The following BICRAL variants were observed in gnomAD, a reference collection of about 807,000 sequenced individuals.
The protein encoded by BICRAL is BICRA like chromatin remodeling complex associated protein, also known as BRD4-interacting chromatin-remodeling complex-associated protein-like.
A neutral mutation model predicts 91.8 loss-of-function variants in BICRAL; 8 were observed. That is an observed-to-expected ratio of 0.09 (90% CI 0.05 to 0.16). The LOEUF (loss-of-function observed/expected upper bound fraction) is 0.16, where lower values mean the gene tolerates loss of function less well. BICRAL is among the 10% of genes least tolerant of loss of function. BICRAL has a pLI of 1.00. For missense variants in BICRAL, 1,038 were observed against 1,310.9 expected (o/e 0.79, Z 3.21); for synonymous variants, 445 against 491.1 (o/e 0.91, Z 1.24).
intron 9 of BICRAL, 61 bp from the exon 10 acceptor site, chr6:42,857,030 A>G (rs1765382217): frequency 2.2e-6 from 3 of 1,375,728 alleles, no homozygotes; most frequent in Middle Eastern, 3.7e-4. Flanking sequence ...GCAAATAAAT[A>G]TGACTAGATT....
intron 2 of BICRAL, among the ~76,000 whole-genome samples, chr6:42,817,813 T>G (rs1312525438): frequency 2.0e-5 from 3 of 152,004 alleles, no homozygotes; most frequent in Non-Finnish European, 4.4e-5. Context: ...CTGGATATTC[T>G]TATACACATA....
Position 42,828,769 on chromosome 6 carries a change from T to A in BICRAL, c.436T>A (p.Ser146Thr), listed in dbSNP as rs1764379556. The change falls in exon 6 of 13, where the codon TCA (serine) becomes ACA (threonine). Residue 146 changes from serine to threonine, a missense_variant. Around this residue, in one of 5 missense-constraint regions of BICRAL, gnomAD observed 532 missense variants for 724.9 expected, o/e 0.73. Coordinates refer to ENST00000314073, the MANE Select transcript of BICRAL (RefSeq NM_001393499.1). ...ACAAGCTCAGCTTCATCCTTCTTCATCAGCATCCTTTACTCAGGCTTCTAA... is the reference window on the plus strand; with the variant it reads ...ACAAGCTCAGCTTCATCCTTCTTCAACAGCATCCTTTACTCAGGCTTCTAA... ...FAQAQLHPSS[S>T]ASFTQASNVS... The A allele has an allele frequency of 1.9e-6, 3 of 1,614,124 alleles. No individual in the cohort carries two copies. The highest frequency in any genetic ancestry group is 1.7e-6 in the Non-Finnish European group (2 of 1,180,042).
chr6:42,752,367 G>A (rs768229398), intron 1 of BICRAL, among the ~76,000 whole-genome samples: 2 of 152,230 alleles, frequency 1.3e-5, no homozygotes, highest in Non-Finnish European at 2.9e-5. Flanking sequence ...CCCTAAGACT[G>A]CCAAGGTGGA....
chr6:42,781,943 G>C (rs1183261751), upstream of BICRAL: 2 of 146,818 alleles, frequency 1.4e-5, no homozygotes, highest in African/African-American at 4.9e-5. Flanking sequence ...CCCGGCGCGG[G>C]GGTGAGCGAG....
intron 1 of BICRAL, among the ~76,000 whole-genome samples, chr6:42,776,332 C>T (rs1929926): frequency 0.28 from 42,001 of 149,392 alleles, 6,215 homozygotes; most frequent in South Asian, 0.44. Context: ...CCACTGAGCC[C>T]GGCCCTTATT....
intron 6 of BICRAL, among the ~76,000 whole-genome samples, chr6:42,832,645 A>T (rs1184314322): frequency 6.6e-6 from 1 of 151,204 alleles, no homozygotes; most frequent in African/African-American, 2.4e-5. Flanking sequence ...AGTTAAAGTT[A>T]CAAGATTACT....
chr6:42,859,370 C>T (rs1202094335), intron 10 of BICRAL, among the ~76,000 whole-genome samples: 1 of 149,880 alleles, frequency 6.7e-6, no homozygotes, highest in Non-Finnish European at 1.5e-5. Context: ...CCAGCCTGAG[C>T]GACAGAGCAA....
intron 11 of BICRAL, 66 bp from the exon 12 acceptor site, chr6:42,862,444 A>AT: frequency 9.8e-7 from 1 of 1,020,082 alleles, no homozygotes; most frequent in Non-Finnish European, 1.5e-6. Context: ...TGTGTAAATT[A>AT]TTTTTTCCAA....
chr6:42,790,631 G>A (rs1438354180), intron 1 of BICRAL, among the ~76,000 whole-genome samples: 1 of 150,800 alleles, frequency 6.6e-6, no homozygotes, highest in East Asian at 1.9e-4. Context: ...TAACCGTAAA[G>A]TGAGATTAGA....
At chr6:42,794,572 A>T (rs947490686) in intron 1 of BICRAL, among the ~76,000 whole-genome samples, 7 of 151,986 alleles carry the variant, frequency 4.6e-5, no homozygotes, top group African/African-American at 1.7e-4. Context: ...TATATATTTT[A>T]TAAGTACTAA....
rs1050819353 is a variant in BICRAL at position 42,867,962 on chromosome 6, GTGA to G, written c.*2517_*2519del. The G allele has an allele frequency of 1.3e-5, 2 of 152,570 alleles. No individual in the cohort carries two copies. Among genetic ancestry groups the G allele is most frequent in the African/African-American group, 4.8e-5 (2 of 41,444 alleles). 9.5% of individuals were successfully genotyped at this position (152,570 alleles called of 1,614,324 possible). On this transcript the variant is annotated 3_prime_UTR_variant, in exon 13 of 13. Transcript: ENST00000314073. ...TAACTCGCATGTCGAGCCCCCTCTA[GTGA>G]AGGGTAGGAGAGCTCAGCCTCGGAT...
At chr6:42,770,751 C>A (rs1395646021) in intron 1 of BICRAL, among the ~76,000 whole-genome samples, 1 of 151,670 alleles carries the variant, frequency 6.6e-6, no homozygotes, top group Non-Finnish European at 1.5e-5. Context: ...AGTGCAGTGG[C>A]GCAATTTCCA....
Position 42,770,397 on chromosome 6 carries a change from TTTATTATTA to T in BICRAL, c.-260-11433_-260-11425del, listed in dbSNP as rs1167469084. Among the ~76,000 whole-genome samples, 968 of 134,690 alleles carry T rather than the reference TTTATTATTA, an allele frequency of 7.2e-3. 12 individuals carry two copies. Among genetic ancestry groups the T allele is most frequent in the African/African-American group, 0.026 (906 of 34,698 alleles). 88.4% of individuals were successfully genotyped at this position (134,690 alleles called of 152,430 possible). A position where few individuals can be genotyped will look rare whatever the true frequency, so the allele number is the denominator to read the frequency against. Reference sequence around the variant, plus strand: ...GCACGTGCCACCATGCCCGGCTAATTTTATTATTATTATTATTTTTTTTTTTTTTTTTTT... The same window carrying T: ...GCACGTGCCACCATGCCCGGCTAATTTTATTATTTTTTTTTTTTTTTTTTT... On this transcript the variant is annotated intron_variant, in intron 1 of 14. Transcript: ENST00000614467.
At position 42,864,729 on chromosome 6, in the gene BICRAL, G is replaced by C; in HGVS notation, c.2523G>C (p.Arg841=). ...CTGCTCATGAGACACAGTTTGGCCG[G>C]AGTGACCAGCATGGCAGTAAAGCAA... is the stretch of plus-strand genomic sequence containing the variant. The part of the protein sequence containing the change: ...DKAAHETQFG[R]SDQHGSKASS... The change falls in exon 13 of 13, where the codon CGG becomes CGC. Residue 841 remains arginine, a synonymous_variant. Coordinates refer to ENST00000314073, the MANE Select transcript of BICRAL (RefSeq NM_001393499.1). 6.2e-7 allele frequency: 1 copy of C among 1,614,148 alleles called. No homozygotes were observed. Among genetic ancestry groups the C allele is most frequent in the Non-Finnish European group, 8.5e-7 (1 of 1,180,000 alleles).
At chr6:42,803,131 CTAT>C (rs1427900250) in intron 1 of BICRAL, among the ~76,000 whole-genome samples, 1 of 152,166 alleles carries the variant, frequency 6.6e-6, no homozygotes, top group Non-Finnish European at 1.5e-5. Flanking sequence ...TGAACCACAA[CTAT>C]TATTAATATA....
At chr6:42,769,626 C>T (rs990359328) in intron 1 of BICRAL, among the ~76,000 whole-genome samples, 1 of 152,176 alleles carries the variant, frequency 6.6e-6, no homozygotes, top group Non-Finnish European at 1.5e-5. Flanking sequence ...ACTGTCTGGG[C>T]TGGAGAAGCC....
intron 2 of BICRAL, among the ~76,000 whole-genome samples, chr6:42,819,039 A>G (rs1274649680): frequency 1.3e-5 from 2 of 152,144 alleles, no homozygotes; most frequent in Non-Finnish European, 1.5e-5. Context: ...CGTCTTGCTC[A>G]TGTCTGTTGG....
Position 42,862,494 on chromosome 6 carries a change from CCTCT to C in BICRAL, c.2350-11_2350-8del, listed in dbSNP as rs754943793. ...TAAAAATTGTCTATGAAATGACTGGCCTCTCTCTTTTTCAGCGAATCAATCCCTC... is the reference window on the plus strand; with the variant it reads ...TAAAAATTGTCTATGAAATGACTGGCCTCTTTTTCAGCGAATCAATCCCTC... On this transcript the variant is annotated splice_polypyrimidine_tract_variant and intron_variant, in intron 11 of 12. Transcript: ENST00000314073. 3 of 1,492,906 alleles carry C rather than the reference CCTCT, an allele frequency of 2.0e-6. No individual in the cohort carries two copies. In the South Asian group the frequency reaches 3.4e-5, roughly 17 times the overall value. 92.5% of individuals were successfully genotyped at this position (1,492,906 alleles called of 1,614,324 possible).
chr6:42,853,862 C>T, intron 8 of BICRAL, 124 bp downstream of exon 8: 1 of 693,684 alleles, frequency 1.4e-6, no homozygotes, highest in Non-Finnish European at 2.5e-6. Context: ...CCTGTGTGCC[C>T]ACAACAGGGT....
Sources: allele counts gnomAD v4.1 joint callset (sites outside exome capture counted in the v4.1 genomes callset), GRCh38; gene constraint gnomAD v4.1.1; regional missense constraint gnomAD v4.1.1; transcripts MANE v1.5; gene names NCBI Gene and HGNC (gene_info 2026-07-23, HGNC 2026-07-21).